The following LYN variants were observed in gnomAD, a reference collection of about 807,000 sequenced individuals.
LYN encodes tyrosine-protein kinase Lyn.
Under a neutral mutation model 65.0 loss-of-function variants are expected in LYN, and 12 were observed. The observed-to-expected ratio is 0.18, with a 90% CI of 0.12 to 0.30. LYN has a LOEUF of 0.30. LYN is among the 10% of genes least tolerant of loss of function. LYN has a pLI of 1.00. For synonymous variants in LYN, 222 were observed against 221.2 expected (o/e 1.00, Z -0.03); for missense variants, 380 against 623.2 (o/e 0.61, Z 4.16).
At chr8:55,954,719 C>T (rs1020136569) in intron 8 of LYN, among the ~76,000 whole-genome samples, 14 of 152,000 alleles carry the variant, frequency 9.2e-5, no homozygotes, top group African/African-American at 3.4e-4. Context: ...CCTGTAGTTC[C>T]AGCTACTTGG....
chr8:55,958,132 G>A (rs535159242), intron 8 of LYN, among the ~76,000 whole-genome samples: 6 of 152,134 alleles, frequency 3.9e-5, no homozygotes, highest in East Asian at 1.9e-4. Context: ...CTGTTCTGTC[G>A]TAAGGTGTAA....
At chr8:56,008,362 A>G (rs2130601891) in intron 12 of LYN, among the ~76,000 whole-genome samples, 1 of 152,306 alleles carries the variant, frequency 6.6e-6, no homozygotes, top group African/African-American at 2.4e-5. Context: ...TACAGCTTTG[A>G]AAAAGAGATA....
At chr8:55,998,916 A>G (rs891863176) in intron 11 of LYN, among the ~76,000 whole-genome samples, 18 of 152,228 alleles carry the variant, frequency 1.2e-4, no homozygotes, top group African/African-American at 4.1e-4. Flanking sequence ...GAACATTACC[A>G]TACACACAGA....
At chr8:55,932,323 T>G (rs897437059) in intron 1 of LYN, among the ~76,000 whole-genome samples, 14 of 152,306 alleles carry the variant, frequency 9.2e-5, no homozygotes, top group African/African-American at 3.4e-4. Flanking sequence ...TAGTGACAGA[T>G]TAATATAGTT....
At chr8:55,928,481 A>G (rs1806174165) in intron 1 of LYN, among the ~76,000 whole-genome samples, 2 of 152,294 alleles carry the variant, frequency 1.3e-5, no homozygotes, top group South Asian at 4.1e-4. Context: ...CAGGTGACAT[A>G]TGATATGGAG....
chr8:55,996,110 T>C (rs1160622253), intron 10 of LYN, among the ~76,000 whole-genome samples: 1 of 152,176 alleles, frequency 6.6e-6, no homozygotes, highest in Non-Finnish European at 1.5e-5. Flanking sequence ...CTAGAGGTGT[T>C]TATCAACTGG....
intron 10 of LYN, among the ~76,000 whole-genome samples, chr8:55,984,778 C>T (rs1000483773): frequency 1.3e-5 from 2 of 152,240 alleles, no homozygotes; most frequent in East Asian, 1.9e-4. Context: ...TGGCTTCACT[C>T]GGAATGCAGG....
chr8:55,887,610 ATATAT>A (rs1428334263), intron 1 of LYN, among the ~76,000 whole-genome samples: 69 of 119,876 alleles, frequency 5.8e-4, no homozygotes, highest in Non-Finnish European at 1.0e-3. Flanking sequence ...ACACATATAT[ATATAT>A]TTTTTTTTTC....
At chr8:55,904,709 C>T (rs774661641) in intron 1 of LYN, among the ~76,000 whole-genome samples, 2 of 151,808 alleles carry the variant, frequency 1.3e-5, no homozygotes, top group Non-Finnish European at 2.9e-5. Flanking sequence ...GAGATTGCAC[C>T]ACTGCTCTCC....
intron 11 of LYN, 106 bp downstream of exon 11, chr8:55,998,605 T>A: frequency 9.8e-7 from 1 of 1,017,666 alleles, no homozygotes; most frequent in Non-Finnish European, 1.5e-6. Context: ...AAAAACTTAT[T>A]TGGTACAACA....
chr8:55,880,157 C>T, intron 1 of LYN, 54 bp downstream of exon 1: 2 of 199,834 alleles, frequency 1.0e-5, no homozygotes, highest in South Asian at 5.6e-5. Flanking sequence ...GCAGTGGGTG[C>T]AGGGGCCGCG....
intron 1 of LYN, among the ~76,000 whole-genome samples, chr8:55,901,421 T>C (rs1330623650): frequency 6.6e-6 from 1 of 152,210 alleles, no homozygotes; most frequent in Non-Finnish European, 1.5e-5. Flanking sequence ...AACTGTTTAA[T>C]TGAACGGTTT....
intron 10 of LYN, among the ~76,000 whole-genome samples, chr8:55,982,472 G>A (rs1308443975): frequency 6.6e-6 from 1 of 152,126 alleles, no homozygotes; most frequent in East Asian, 1.9e-4. Context: ...AGGTATTTTT[G>A]ATGCATTACA....
At chr8:55,998,021 T>C (rs939363942) in intron 10 of LYN, among the ~76,000 whole-genome samples, 2 of 151,944 alleles carry the variant, frequency 1.3e-5, no homozygotes, top group Admixed American at 6.5e-5. Context: ...GAGGTGGAGC[T>C]TGCAGTGAGC....
chr8:55,954,859 TAAATAAATAAATA>T (rs1456635236), intron 8 of LYN, among the ~76,000 whole-genome samples: 4 of 149,070 alleles, frequency 2.7e-5, no homozygotes, highest in Non-Finnish European at 4.5e-5. Flanking sequence ...AATAAATAAA[TAAATAAATAAATA>T]AAAGTTTTCA....
At chr8:55,918,047 C>T (rs545924468) in intron 1 of LYN, among the ~76,000 whole-genome samples, 44 of 152,318 alleles carry the variant, frequency 2.9e-4, no homozygotes, top group African/African-American at 1.0e-3. Flanking sequence ...GCTGACTAAG[C>T]AAGGCTGCAC....
intron 10 of LYN, among the ~76,000 whole-genome samples, chr8:55,995,529 G>C (rs1307849404): frequency 6.6e-6 from 1 of 152,190 alleles, no homozygotes; most frequent in Non-Finnish European, 1.5e-5. Context: ...TGCTGGGATG[G>C]GTTCATGTTC....
Position 56,010,898 on chromosome 8 carries a change from T to C in LYN, c.*788T>C, listed in dbSNP as rs1018498398. ...TGCTCTGTGTTTAGAAGGAATATTTTTAAGAGTCCAGCTTTTTCATTTCCA... is the reference window on the plus strand; with the variant it reads ...TGCTCTGTGTTTAGAAGGAATATTTCTAAGAGTCCAGCTTTTTCATTTCCA... On this transcript the variant is annotated 3_prime_UTR_variant, in exon 13 of 13. Coordinates refer to ENST00000519728, the MANE Select transcript of LYN (RefSeq NM_002350.4). 12 of 230,490 alleles carry C rather than the reference T, an allele frequency of 5.2e-5. No individual in the cohort carries two copies. The highest frequency in any genetic ancestry group is 1.1e-4 in the Admixed American group (2 of 17,698). The allele number at this position is 230,490 out of a possible 1,614,324, so 14.3% of individuals were successfully genotyped here.
intron 1 of LYN, among the ~76,000 whole-genome samples, chr8:55,889,503 C>T (rs1459135156): frequency 1.3e-5 from 2 of 152,212 alleles, no homozygotes; most frequent in African/African-American, 2.4e-5. Flanking sequence ...CCACCACACC[C>T]AGCCCAAGTA....
Sources: gnomAD v4.1 joint callset for allele counts (sites outside exome capture counted in the v4.1 genomes callset) on GRCh38, gnomAD v4.1.1 for gene constraint, MANE v1.5 for transcripts, NCBI Gene and HGNC (gene_info 2026-07-23, HGNC 2026-07-21) for gene names.